Variants in CSF1R observed in about 807,000 individuals in gnomAD.
The protein encoded by CSF1R is colony stimulating factor 1 receptor.
A neutral mutation model predicts 110.0 loss-of-function variants in CSF1R; 40 were observed. That is an observed-to-expected ratio of 0.36 (90% CI 0.28 to 0.47). The LOEUF is 0.47. Ranked by LOEUF, CSF1R falls within the 20% of genes least tolerant of loss-of-function variation. CSF1R has a pLI of 0.99. For missense variants in CSF1R, 1,052 were observed against 1,253.0 expected, an observed-to-expected ratio of 0.84 and a Z score of 2.42; for synonymous variants, 523 against 503.4, an observed-to-expected ratio of 1.04 and a Z score of -0.52.
chr5:150,064,546 C>T lies in CSF1R; in HGVS notation c.1627-2697G>A, dbSNP rs773368654. 1.5e-3 allele frequency among the ~76,000 whole-genome samples: 236 copies of T among 152,274 alleles called. 1 individual carries two copies. The highest frequency in any genetic ancestry group is 2.2e-3 in the Non-Finnish European group (150 of 68,020). ...AGCCTCTGAGGATCCAAATCCTGCC[C>T]GTGGGTGCCTTCCCAGCCCAAAAGA... is the stretch of plus-strand genomic sequence containing the variant. On this transcript the variant is annotated intron_variant, in intron 10 of 20. Coordinates refer to ENST00000675795, the MANE Select transcript of CSF1R (RefSeq NM_001288705.3).
intron 10 of CSF1R, among the ~76,000 whole-genome samples, chr5:150,063,306 C>T (rs1407308384): frequency 1.3e-5 from 2 of 151,964 alleles, no homozygotes; most frequent in Non-Finnish European, 2.9e-5. Flanking sequence ...CATGCCTGGC[C>T]GGGCAGTGAG....
intron 12 of CSF1R, among the ~76,000 whole-genome samples, chr5:150,061,197 C>T (rs1757501886): frequency 6.6e-6 from 1 of 152,198 alleles, no homozygotes; most frequent in African/African-American, 2.4e-5. Flanking sequence ...CTTCAGGTGA[C>T]AGGAAGCCAA....
intron 10 of CSF1R, among the ~76,000 whole-genome samples, chr5:150,066,121 T>C (rs1262446140): frequency 2.0e-5 from 3 of 152,152 alleles, no homozygotes. Context: ...AAGGAGATGA[T>C]GCCCGACCTC....
chr5:150,064,880 T>A (rs906560723), intron 10 of CSF1R, among the ~76,000 whole-genome samples: 6 of 152,086 alleles, frequency 3.9e-5, no homozygotes, highest in Non-Finnish European at 8.8e-5. Context: ...CATGTAAACC[T>A]CCCAGGGCAC....
chr5:150,071,510 T>C (rs1758029618), intron 6 of CSF1R, among the ~76,000 whole-genome samples: 1 of 152,218 alleles, frequency 6.6e-6, no homozygotes, highest in Non-Finnish European at 1.5e-5. Context: ...CCTGGGCATA[T>C]ACAAGGCCTC....
chr5:150,075,131 T>C (rs1758207526), intron 5 of CSF1R, among the ~76,000 whole-genome samples: 2 of 152,202 alleles, frequency 1.3e-5, no homozygotes, highest in South Asian at 4.1e-4. Flanking sequence ...CATCTGGTTC[T>C]CCCTCCAGGT....
At chr5:150,094,525 C>T (rs1759150603) in intron 1 of CSF1R, 3 of 1,599,396 alleles carry the variant, frequency 1.9e-6, no homozygotes, top group South Asian at 2.2e-5. Flanking sequence ...GCGAGGATGG[C>T]AAGAAAAGCT....
At chr5:150,056,465 C>T in intron 16 of CSF1R, 124 bp from the exon 17 acceptor site, 1 of 1,223,960 alleles carries the variant, frequency 8.2e-7, no homozygotes. Flanking sequence ...CAGTTTTGGT[C>T]CTTTACCACA....
intron 1 of CSF1R, among the ~76,000 whole-genome samples, chr5:150,100,040 T>A (rs1395989911): frequency 6.6e-6 from 1 of 152,158 alleles, no homozygotes; most frequent in East Asian, 1.9e-4. Flanking sequence ...ACAAATAGAC[T>A]GGTGGTACAA....
At chr5:150,078,310 C>G in intron 3 of CSF1R, 62 bp from the exon 4 acceptor site, 3 of 1,587,070 alleles carry the variant, frequency 1.9e-6, no homozygotes, top group Non-Finnish European at 1.7e-6. Context: ...AGATATTGCT[C>G]TCCTCCCTGC....
chr5:150,075,449 A>G (rs1180633975), intron 5 of CSF1R, among the ~76,000 whole-genome samples: 2 of 152,158 alleles, frequency 1.3e-5, no homozygotes, highest in African/African-American at 2.4e-5. Flanking sequence ...TCCCCTGAAC[A>G]TGGCAAGCAC....
chr5:150,054,192 G>A lies in CSF1R; in HGVS notation c.2796C>T (p.Ser932=), dbSNP rs778420941. ...DYTNLPSSSR[S]GGSGSSSSEL... ...CACTGCTGCTGCTGCCGCTGCCACC[G>A]CTTCTGCTGCTGCTCGGCAGATTGG... The change falls in exon 21 of 21, where the codon AGC becomes AGT. Residue 932 remains serine (S), a synonymous_variant. Coordinates refer to ENST00000675795, the MANE Select transcript of CSF1R (RefSeq NM_001288705.3). The A allele has an allele frequency of 9.9e-6, 16 of 1,611,370 alleles. No homozygotes were observed. The highest frequency in any genetic ancestry group is 2.2e-5 in the South Asian group (2 of 90,726).
chr5:150,060,232 C>G (rs1290769246), intron 13 of CSF1R, among the ~76,000 whole-genome samples: 2 of 151,126 alleles, frequency 1.3e-5, no homozygotes, highest in African/African-American at 4.9e-5. Flanking sequence ...GAGGTTGAGG[C>G]AGGAGAATTG....
chr5:150,078,549 C>T (rs938735538), intron 3 of CSF1R, among the ~76,000 whole-genome samples: 8 of 152,190 alleles, frequency 5.3e-5, no homozygotes, highest in African/African-American at 1.9e-4. Flanking sequence ...AAGCCCCCCA[C>T]ACCTAGATTC....
chr5:150,073,262 G>A (rs1284850198), intron 6 of CSF1R, 39 bp downstream of exon 6: 3 of 1,578,862 alleles, frequency 1.9e-6, no homozygotes, highest in Non-Finnish European at 2.6e-6. Flanking sequence ...TACCCCATCT[G>A]GTTGTCGGGC....
At chr5:150,077,003 T>C (rs1758294093) in intron 5 of CSF1R, 2 of 503,050 alleles carry the variant, frequency 4.0e-6, no homozygotes, top group Admixed American at 6.5e-5. Flanking sequence ...AGGGAGCTAC[T>C]GGACCCCAAT....
chr5:150,075,347 C>G (rs943720704), intron 5 of CSF1R, among the ~76,000 whole-genome samples: 3 of 152,196 alleles, frequency 2.0e-5, no homozygotes, highest in Admixed American at 2.0e-4. Context: ...GCGGTAGCCT[C>G]CTTTCATCTC....
intron 1 of CSF1R, among the ~76,000 whole-genome samples, chr5:150,095,608 A>C (rs1759195708): frequency 6.6e-6 from 1 of 152,158 alleles, no homozygotes; most frequent in African/African-American, 2.4e-5. Context: ...CACCTTAAGA[A>C]ACTAGAAAAA....
chr5:150,060,805 C>T, intron 13 of CSF1R, 57 bp downstream of exon 13: 2 of 1,147,022 alleles, frequency 1.7e-6, no homozygotes, highest in Non-Finnish European at 2.6e-6. Context: ...AGCCCTGGGG[C>T]CCTGAGATTC....
Sources: allele counts gnomAD v4.1 joint callset (sites outside exome capture counted in the v4.1 genomes callset), GRCh38; gene constraint gnomAD v4.1.1; transcripts MANE v1.5; gene names NCBI Gene and HGNC (gene_info 2026-07-23, HGNC 2026-07-21).